Variants in HECW1 observed in about 807,000 individuals in gnomAD.
HECW1 encodes E3 ubiquitin-protein ligase HECW1.
HECW1 carries 61 observed loss-of-function variants against 182.3 expected under a neutral mutation model. The ratio of observed to expected loss-of-function variants is 0.33; its 90% CI spans 0.27 to 0.41. The LOEUF (loss-of-function observed/expected upper bound fraction) is 0.41, where lower values mean the gene tolerates loss of function less well. HECW1 is among the 10% of genes least tolerant of loss of function. The probability of loss-of-function intolerance (pLI) is 1.00; values close to 1 mark genes in which losing one functional copy is unlikely to be tolerated. For missense variants in HECW1, 1,739 were observed against 2,108.9 expected (o/e 0.82, Z 3.44); for synonymous variants, 859 against 832.6 (o/e 1.03, Z -0.55).
intron 3 of HECW1, among the ~76,000 whole-genome samples, chr7:43,259,494 C>T (rs1327778997): frequency 6.6e-6 from 1 of 151,924 alleles, no homozygotes; most frequent in Non-Finnish European, 1.5e-5. Flanking sequence ...GAAGCAGGCC[C>T]ACAGATGGAT....
At chr7:43,464,791 T>C (rs1010678145) in intron 14 of HECW1, among the ~76,000 whole-genome samples, 4 of 152,116 alleles carry the variant, frequency 2.6e-5, no homozygotes, top group Non-Finnish European at 4.4e-5. Context: ...CTGACTAGTT[T>C]AGGTTTTTCT....
At position 43,369,239 on chromosome 7, in the gene HECW1, A is replaced by T. The variant is rs138398397; in HGVS notation, c.555+8259A>T. Among the ~76,000 whole-genome samples, 616 of 152,252 alleles carry T rather than the reference A, an allele frequency of 4.0e-3. 3 individuals are homozygous for T. The highest frequency in any genetic ancestry group is 0.014 in the African/African-American group (589 of 41,552). ...TTTGGGAGGCCGAGGCAGGCAGATC[A>T]CCTGAGGTCAAGAGTTCGAGACCAG... is the stretch of plus-strand genomic sequence containing the variant. On this transcript the variant is annotated intron_variant, in intron 6 of 29. Coordinates refer to ENST00000395891, the MANE Select transcript of HECW1 (RefSeq NM_015052.5).
In HECW1 at chr7:43,146,426, T is replaced by A. The variant is rs552727025; in HGVS notation, c.-32+32035T>A. Among the ~76,000 whole-genome samples, 3 of 152,318 alleles carry A rather than the reference T, an allele frequency of 2.0e-5. No individual in the cohort carries two copies. In the East Asian group the frequency reaches 5.8e-4, roughly 29 times the overall value. On this transcript the variant is annotated intron_variant, in intron 2 of 29. Transcript: ENST00000395891. ...TCTGGTTGGGAACCACTAGATTATATGTATCAATGCCATCACTGAAATATT... is the reference window on the plus strand; with the variant it reads ...TCTGGTTGGGAACCACTAGATTATAAGTATCAATGCCATCACTGAAATATT...
At position 43,554,591 on chromosome 7, in the gene HECW1, G is replaced by A. The variant is rs1429584482; in HGVS notation, c.4511-1G>A. 1 of 1,611,518 alleles carries A rather than the reference G, an allele frequency of 6.2e-7. No individual in the cohort carries two copies. Among genetic ancestry groups the A allele is most frequent in the Non-Finnish European group, 8.5e-7 (1 of 1,178,648 alleles). On this transcript the variant is annotated splice_acceptor_variant, in intron 28 of 29. Coordinates refer to ENST00000395891, the MANE Select transcript of HECW1 (RefSeq NM_015052.5). LOFTEE classifies it high-confidence loss of function. The stretch of plus-strand genomic sequence containing the variant: ...TTCCTCCCTCCCTTTGCCTCGTGCA[G>A]GTTACCACGATGGGCATCTTGTGAT...
At chr7:43,553,458 G>C (rs1487149016) in intron 28 of HECW1, among the ~76,000 whole-genome samples, 1 of 152,064 alleles carries the variant, frequency 6.6e-6, no homozygotes, top group African/African-American at 2.4e-5. Context: ...CAGACAGATT[G>C]CTTGAACTCA....
At chr7:43,179,968 T>G (rs10464374) in intron 2 of HECW1, among the ~76,000 whole-genome samples, 10,562 of 152,258 alleles carry the variant, frequency 0.069, 537 homozygotes, top group East Asian at 0.28. Context: ...GCTTTATCTG[T>G]GGAGGGTAAA....
intron 28 of HECW1, among the ~76,000 whole-genome samples, chr7:43,552,958 G>A (rs2081891360): frequency 6.6e-6 from 1 of 152,150 alleles, no homozygotes; most frequent in African/African-American, 2.4e-5. Flanking sequence ...GGCTTGCAGA[G>A]AACATTCCAT....
chr7:43,459,027 G>A (rs1386021082), intron 13 of HECW1, among the ~76,000 whole-genome samples: 1 of 152,178 alleles, frequency 6.6e-6, no homozygotes, highest in African/African-American at 2.4e-5. Flanking sequence ...CCCAGACGCG[G>A]CACACTCTTC....
chr7:43,314,269 G>A (rs998600646), intron 4 of HECW1, among the ~76,000 whole-genome samples: 1 of 152,222 alleles, frequency 6.6e-6, no homozygotes, highest in Admixed American at 6.5e-5. Context: ...CCTGAGGGAC[G>A]TGCGTCCACA....
At chr7:43,273,325 G>A (rs1802651395) in intron 3 of HECW1, among the ~76,000 whole-genome samples, 1 of 151,504 alleles carries the variant, frequency 6.6e-6, no homozygotes, top group South Asian at 2.1e-4. Context: ...TCTAAAAGTT[G>A]AAAAAAATAA....
At chr7:43,136,337 A>G (rs1787535722) in intron 2 of HECW1, among the ~76,000 whole-genome samples, 1 of 152,226 alleles carries the variant, frequency 6.6e-6, no homozygotes, top group Admixed American at 6.5e-5. Context: ...CATGACTGGA[A>G]CAAGGGTTGT....
Position 43,384,679 on chromosome 7 carries a change from TATC to T in HECW1, c.556-12132_556-12130del, listed in dbSNP as rs1307670895. On this transcript the variant is annotated intron_variant, in intron 6 of 29. Transcript: ENST00000395891. ...TTTTCATTCAGTGAGGAGTAAATATTATCATGTTTTTGCCATTACACTCACATG... is the reference window on the plus strand; with the variant it reads ...TTTTCATTCAGTGAGGAGTAAATATTATGTTTTTGCCATTACACTCACATG... Among the ~76,000 whole-genome samples, 6 of 152,230 alleles carry T rather than the reference TATC, an allele frequency of 3.9e-5. 1 individual carries two copies. The highest frequency in any genetic ancestry group is 3.4e-3 in the Middle Eastern group (1 of 294).
chr7:43,291,996 C>T lies in HECW1; in HGVS notation c.28-19767C>T, dbSNP rs75944208. 8.5e-3 allele frequency among the ~76,000 whole-genome samples: 1,294 copies of T among 152,304 alleles called. 25 individuals carry two copies. The highest frequency in any genetic ancestry group is 0.029 in the African/African-American group (1,220 of 41,564). On this transcript the variant is annotated intron_variant, in intron 3 of 29. Coordinates refer to ENST00000395891, the MANE Select transcript of HECW1 (RefSeq NM_015052.5). ...TAAGTCCCTGCCTTCTCCATTAATT[C>T]AGTCTCTAGTGATTCAGGGTCACCC...
At position 43,507,139 on chromosome 7, in the gene HECW1, T is replaced by G. The variant is rs2079616133; in HGVS notation, c.3634T>G (p.Leu1212Val). 3.1e-6 allele frequency: 5 copies of G among 1,613,382 alleles called. No individual in the cohort carries two copies. The highest frequency in any genetic ancestry group is 1.3e-5 in the African/African-American group (1 of 74,890). ...CCTCTGTGTGCTTCTCTCTGCAGGT[T>G]TACAGAGAGCCAGTGCAAGAGCCCC... ...PCSSPQNSPG[L>V]QRASARAPSP... The change falls in exon 22 of 30, where the codon TTA becomes GTA. Residue 1212 changes from leucine (L) to valine (V), a missense_variant and splice_region_variant. By Grantham distance (32) the Leu-to-Val change is conservative (BLOSUM62 1). This residue lies in a region of HECW1 where 420 missense variants were observed against 595.7 expected (regional missense o/e 0.71). Coordinates refer to ENST00000395891, the MANE Select transcript of HECW1 (RefSeq NM_015052.5).
chr7:43,401,576 T>TGG (rs1391877000), intron 7 of HECW1, among the ~76,000 whole-genome samples: 14 of 131,404 alleles, frequency 1.1e-4, no homozygotes, highest in African/African-American at 3.9e-4. Flanking sequence ...GGTTTTTTTT[T>TGG]TTTTTTTTTT....
chr7:43,432,418 T>C lies in HECW1; in HGVS notation c.802-5585T>C, dbSNP rs552001415. Among the ~76,000 whole-genome samples the C allele has an allele frequency of 1.3e-3, 200 of 152,206 alleles. 2 individuals are homozygous for C. Among genetic ancestry groups the C allele is most frequent in the African/African-American group, 4.5e-3 (186 of 41,542 alleles). Reference sequence around the variant, plus strand: ...CCTCCCAAAGTGCTGGGATTACAGGTGTGAGCCACCGCGCCCGGCCCAGTT... The same window carrying C: ...CCTCCCAAAGTGCTGGGATTACAGGCGTGAGCCACCGCGCCCGGCCCAGTT... On this transcript the variant is annotated intron_variant, in intron 8 of 29. Transcript: ENST00000395891. This position sits in a 1 kb window ranked among gnomAD's most constrained non-coding sequence, Gnocchi z 4.1.
chr7:43,485,916 T>G (rs2078615301), intron 17 of HECW1, among the ~76,000 whole-genome samples: 1 of 152,154 alleles, frequency 6.6e-6, no homozygotes, highest in Non-Finnish European at 1.5e-5. Flanking sequence ...TGCGCAGGTT[T>G]GTTACATTTG....
At chr7:43,242,360 C>T (rs766605930) in intron 2 of HECW1, among the ~76,000 whole-genome samples, 12 of 152,060 alleles carry the variant, frequency 7.9e-5, no homozygotes, top group Admixed American at 3.9e-4. Flanking sequence ...ATTCTAGAAC[C>T]GTTAGGAGGT....
chr7:43,384,614 G>A (rs1256682527), intron 6 of HECW1, among the ~76,000 whole-genome samples: 1 of 152,154 alleles, frequency 6.6e-6, no homozygotes, highest in Non-Finnish European at 1.5e-5. Context: ...CAGTGAGGGG[G>A]AAAACGTTTG....
Sources: gnomAD v4.1 joint callset for allele counts (sites outside exome capture counted in the v4.1 genomes callset) on GRCh38, gnomAD v4.1.1 for gene constraint, gnomAD v4.1.1 regional missense constraint, Gnocchi (gnomAD v3.1) non-coding constraint, MANE v1.5 for transcripts, NCBI Gene and HGNC (gene_info 2026-07-23, HGNC 2026-07-21) for gene names.